TRPM8: variants seen among roughly 807,000 people sequenced by gnomAD.
TRPM8 encodes TRPM8 cationic channel.
Under a neutral mutation model 133.7 loss-of-function variants are expected in TRPM8, and 110 were observed. The observed-to-expected ratio is 0.82, with a 90% confidence interval of 0.70 to 0.96. The LOEUF is 0.96. Ranked by LOEUF, TRPM8 falls within the 40% of genes least tolerant of loss-of-function variation. The probability of loss-of-function intolerance (pLI) is 0.00; values close to 1 mark genes in which losing one functional copy is unlikely to be tolerated. For synonymous variants in TRPM8, 535 were observed against 532.3 expected, an observed-to-expected ratio of 1.01 and a Z score of -0.07; for missense variants, 1,291 against 1,379.5, an observed-to-expected ratio of 0.94 and a Z score of 1.02.
At chr2:233,999,480 G>A (rs1207569131) in intron 22 of TRPM8, among the ~76,000 whole-genome samples, 1 of 151,396 alleles carries the variant, frequency 6.6e-6, no homozygotes, top group African/African-American at 2.5e-5. Context: ...GGGTGGGAAG[G>A]ACAGCCTGCC....
chr2:233,961,041 G>T lies in TRPM8; in HGVS notation c.1628G>T (p.Arg543Leu). Residue 543 changes from arginine (R) to leucine (L), a missense_variant, in exon 12 of 26, where the codon CGG becomes CTG. Coordinates refer to ENST00000324695, the MANE Select transcript of TRPM8 (RefSeq NM_024080.5). ...TTCCGGAAGGAAGACAGAAATGGCC[G>T]GGACGAGATGGACATAGAACTCCAC... ...RGFRKEDRNGRDEMDIELHDV... is the reference protein window; with the variant it reads ...RGFRKEDRNGLDEMDIELHDV... 1.9e-6 allele frequency: 3 copies of T among 1,614,050 alleles called. No homozygotes were observed. The highest frequency in any genetic ancestry group is 1.7e-6 in the Non-Finnish European group (2 of 1,180,018).
At chr2:234,008,136 T>C (rs759832516) in intron 24 of TRPM8, 33 bp downstream of exon 24, 1 of 1,583,272 alleles carries the variant, frequency 6.3e-7, no homozygotes, top group Non-Finnish European at 8.5e-7. Context: ...GATTTTTTTT[T>C]TTTTTTGGTC....
At chr2:233,945,408 T>C (rs1326341570) in intron 6 of TRPM8, among the ~76,000 whole-genome samples, 1 of 152,200 alleles carries the variant, frequency 6.6e-6, no homozygotes, top group African/African-American at 2.4e-5. Context: ...CTGGCATGGG[T>C]CACGGCATAT....
chr2:234,005,608 T>C (rs1003181480), intron 22 of TRPM8, among the ~76,000 whole-genome samples: 8 of 152,226 alleles, frequency 5.3e-5, no homozygotes, highest in Non-Finnish European at 4.4e-5. Flanking sequence ...ATATTTGCTA[T>C]GTGGAATTTG....
At chr2:233,944,337 A>C (rs1449609059) in intron 6 of TRPM8, among the ~76,000 whole-genome samples, 1 of 152,178 alleles carries the variant, frequency 6.6e-6, no homozygotes, top group Non-Finnish European at 1.5e-5. Flanking sequence ...TGGGCATAGG[A>C]GTCAATGTAG....
At chr2:233,984,381 AAAG>A (rs1179300112) in intron 20 of TRPM8, among the ~76,000 whole-genome samples, 5 of 152,046 alleles carry the variant, frequency 3.3e-5, no homozygotes. Flanking sequence ...CATCCTAATA[AAAG>A]GGTCTTGATG....
intron 21 of TRPM8, among the ~76,000 whole-genome samples, chr2:233,991,432 A>G (rs1692274300): frequency 6.6e-6 from 1 of 152,202 alleles, no homozygotes; most frequent in Admixed American, 6.5e-5. Context: ...AGTTTAACAT[A>G]CACACCAGCG....
intron 22 of TRPM8, among the ~76,000 whole-genome samples, chr2:234,006,119 T>A (rs1395541139): frequency 6.6e-6 from 1 of 152,228 alleles, no homozygotes; most frequent in Non-Finnish European, 1.5e-5. Context: ...AAAAACAACA[T>A]AATTTTATTC....
At chr2:234,006,081 A>T (rs1300665743) in intron 22 of TRPM8, among the ~76,000 whole-genome samples, 1 of 152,198 alleles carries the variant, frequency 6.6e-6, no homozygotes, top group Non-Finnish European at 1.5e-5. Context: ...CATGTTGATG[A>T]ATACATTTAA....
chr2:233,978,685 T>C (rs892118196), intron 17 of TRPM8, among the ~76,000 whole-genome samples: 3 of 152,220 alleles, frequency 2.0e-5, no homozygotes, highest in Admixed American at 2.0e-4. Context: ...TTTTCCTAGA[T>C]TATGCTTTTC....
At chr2:234,013,134 T>C (rs1041521667) in intron 24 of TRPM8, 1 of 152,208 alleles carries the variant, frequency 6.6e-6, no homozygotes, top group African/African-American at 2.4e-5. Flanking sequence ...AATGCTGGCC[T>C]CACACAATGA....
intron 21 of TRPM8, among the ~76,000 whole-genome samples, chr2:233,995,928 C>T (rs1692390466): frequency 6.6e-6 from 1 of 152,078 alleles, no homozygotes; most frequent in African/African-American, 2.4e-5. Context: ...TCTTCTCAGG[C>T]TGTTTACACT....
intron 17 of TRPM8, 22 bp from the exon 18 acceptor site, chr2:233,980,166 C>G: frequency 1.3e-6 from 2 of 1,521,882 alleles, no homozygotes; most frequent in East Asian, 2.3e-5. Flanking sequence ...TGATGTCCCT[C>G]TCTGTCCCTT....
At chr2:233,983,736 A>G (rs1185322233) in intron 20 of TRPM8, among the ~76,000 whole-genome samples, 1 of 152,212 alleles carries the variant, frequency 6.6e-6, no homozygotes, top group Non-Finnish European at 1.5e-5. Flanking sequence ...GTGAGGGGCT[A>G]TGTAAATTGT....
rs571563165 is a variant in TRPM8 at position 233,984,242 on chromosome 2, G to A, written c.2761+1018G>A. ...CTGGTAAAGCACCATCTTCTCTACA[G>A]GGCCTCTCACTGGCCGGTGTGACCC... On this transcript the variant is annotated intron_variant, in intron 20 of 25. Coordinates refer to ENST00000324695, the MANE Select transcript of TRPM8 (RefSeq NM_024080.5). 7.9e-5 allele frequency among the ~76,000 whole-genome samples: 12 copies of A among 152,248 alleles called. 1 individual carries two copies. The South Asian group carries it at 2.5e-3, about 32-fold the overall frequency.
chr2:233,929,427 T>TC (rs1280486501), intron 2 of TRPM8, among the ~76,000 whole-genome samples: 1 of 152,138 alleles, frequency 6.6e-6, no homozygotes, highest in Non-Finnish European at 1.5e-5. Context: ...AGAAGGGACA[T>TC]CCCCCTTTGC....
At chr2:233,998,467 C>A (rs1692464383) in intron 22 of TRPM8, among the ~76,000 whole-genome samples, 1 of 152,178 alleles carries the variant, frequency 6.6e-6, no homozygotes, top group Non-Finnish European at 1.5e-5. Context: ...TCCTGGGAAT[C>A]CAGTTAGGGT....
intron 2 of TRPM8, among the ~76,000 whole-genome samples, chr2:233,929,377 G>T (rs573253301): frequency 1.3e-5 from 2 of 152,326 alleles, no homozygotes; most frequent in East Asian, 1.9e-4. Flanking sequence ...GGGGCAGAAG[G>T]TGAGAAGGGA....
At chr2:233,936,164 C>T (rs909307193) in intron 3 of TRPM8, among the ~76,000 whole-genome samples, 6 of 152,112 alleles carry the variant, frequency 3.9e-5, no homozygotes, top group African/African-American at 9.7e-5. Context: ...TTTCTCTGCA[C>T]TTTGCCAGGT....
Sources: gnomAD v4.1 joint callset for allele counts (sites outside exome capture counted in the v4.1 genomes callset) on GRCh38, gnomAD v4.1.1 for gene constraint, MANE v1.5 for transcripts, NCBI Gene and HGNC (gene_info 2026-07-23, HGNC 2026-07-21) for gene names.